The following NFATC2 variants were observed in gnomAD, a reference collection of about 807,000 sequenced individuals.
NFATC2 encodes the protein nuclear factor of activated T-cells, cytoplasmic 2.
A neutral mutation model predicts 87.3 loss-of-function variants in NFATC2; 22 were observed. The observed-to-expected ratio is 0.25, with a 90% CI of 0.18 to 0.36. The LOEUF is 0.36. NFATC2 is among the 10% of genes least tolerant of loss of function. The pLI, the probability that NFATC2 is intolerant of heterozygous loss-of-function variation, is 1.00. For synonymous variants in NFATC2, 565 were observed against 542.2 expected (o/e 1.04, Z -0.58); for missense variants, 1,149 against 1,259.1 (o/e 0.91, Z 1.32).
At chr20:51,398,755 TTTGAGAAGAAAAA>T in intron 9 of NFATC2, 25 bp from the exon 10 acceptor site, 1 of 1,528,052 alleles carries the variant, frequency 6.5e-7, no homozygotes, top group Non-Finnish European at 9.0e-7. Context: ...CAAAATCATT[TTTGAGAAGAAAAA>T]AAAAAATCAC....
At chr20:51,493,248 T>C (rs2075928504) in intron 3 of NFATC2, among the ~76,000 whole-genome samples, 1 of 152,130 alleles carries the variant, frequency 6.6e-6, no homozygotes, top group African/African-American at 2.4e-5. Flanking sequence ...ACTTGTACAT[T>C]TCATAGAGTT....
rs191247026 is a variant in NFATC2, at chr20:51,560,987, G to T, written c.70+1573C>A. ...TCTCTTTCCAAATGGAGCTAAATTTGGCATTAGGCTGACCTCCACCCCCAC... is the reference window on the plus strand; with the variant it reads ...TCTCTTTCCAAATGGAGCTAAATTTTGCATTAGGCTGACCTCCACCCCCAC... On this transcript the variant is annotated intron_variant, in intron 1 of 10. Transcript: ENST00000414705. 1.4e-3 allele frequency among the ~76,000 whole-genome samples: 215 copies of T among 152,044 alleles called. 6 individuals carry two copies. The East Asian group carries it at 0.036, about 26-fold the overall frequency.
chr20:51,500,643 C>G lies in NFATC2; in HGVS notation c.1332+16141G>C, dbSNP rs60417825. Among the ~76,000 whole-genome samples the G allele has an allele frequency of 9.4e-5, 10 of 105,970 alleles. No individual in the cohort carries two copies. The East Asian group carries it at 2.6e-3, about 27-fold the overall frequency. The allele number at this position is 105,970 out of a possible 152,430, so 69.5% of individuals were successfully genotyped here. A position where few individuals can be genotyped will look rare whatever the true frequency, so the allele number is the denominator to read the frequency against. On this transcript the variant is annotated intron_variant, in intron 3 of 10. Coordinates refer to ENST00000371564, the MANE Select transcript of NFATC2 (RefSeq NM_012340.5). ...ATGCTCCCACCCCTCCACCCTCACC[C>G]TCACCACCCCCCCCTCCACCCCCAC...
intron 3 of NFATC2, among the ~76,000 whole-genome samples, chr20:51,501,534 G>C (rs770648631): frequency 5.3e-5 from 8 of 152,146 alleles, no homozygotes; most frequent in Non-Finnish European, 1.0e-4. Flanking sequence ...TTCCTACCAC[G>C]CTGGCTCCCA....
At chr20:51,551,875 AAGTT>A (rs1365005991) in intron 1 of NFATC2, among the ~76,000 whole-genome samples, 2 of 151,456 alleles carry the variant, frequency 1.3e-5, no homozygotes, top group Non-Finnish European at 2.9e-5. Context: ...AAAATACAAA[AAGTT>A]AGCCGGGTGT....
intron 2 of NFATC2, among the ~76,000 whole-genome samples, chr20:51,518,266 G>A (rs2076386646): frequency 6.6e-6 from 1 of 152,310 alleles, no homozygotes; most frequent in South Asian, 2.1e-4. Context: ...ACATATGGCA[G>A]AAATCATTCA....
intron 7 of NFATC2, 130 bp from the exon 8 acceptor site, chr20:51,435,444 G>C: frequency 7.4e-7 from 1 of 1,349,700 alleles, no homozygotes; most frequent in Non-Finnish European, 1.0e-6. Flanking sequence ...TACAGGGGAA[G>C]TTCAATTTCA....
chr20:51,397,705 TCCTTCTGCCATA>T (rs747471917), intron 10 of NFATC2, among the ~76,000 whole-genome samples: 15 of 152,092 alleles, frequency 9.9e-5, no homozygotes, highest in Non-Finnish European at 2.1e-4. Flanking sequence ...CCCCAGGGCT[TCCTTCTGCCATA>T]GGGAAGTAGG....
intron 9 of NFATC2, among the ~76,000 whole-genome samples, chr20:51,403,789 T>C (rs868111141): frequency 6.6e-6 from 1 of 152,180 alleles, no homozygotes; most frequent in Non-Finnish European, 1.5e-5. Flanking sequence ...TTCTCCAGAA[T>C]CCTGGTCTTG....
intron 3 of NFATC2, among the ~76,000 whole-genome samples, chr20:51,511,644 A>C (rs1308238797): frequency 6.6e-6 from 1 of 152,144 alleles, no homozygotes; most frequent in Non-Finnish European, 1.5e-5. Flanking sequence ...TTTACCTCCC[A>C]TACCTAAGTC....
At chr20:51,444,558 G>A (rs577099503) in intron 6 of NFATC2, among the ~76,000 whole-genome samples, 2 of 152,194 alleles carry the variant, frequency 1.3e-5, no homozygotes, top group African/African-American at 4.8e-5. Context: ...TGGGAGAAAT[G>A]AGCAAGCTTT....
chr20:51,512,302 G>A (rs548171753), intron 3 of NFATC2, among the ~76,000 whole-genome samples: 46 of 152,282 alleles, frequency 3.0e-4, no homozygotes, highest in African/African-American at 6.5e-4. Flanking sequence ...ACGTCCCACC[G>A]TGAGTCCAGG....
intron 3 of NFATC2, among the ~76,000 whole-genome samples, chr20:51,484,007 T>A (rs1989496490): frequency 6.6e-6 from 1 of 151,600 alleles, no homozygotes; most frequent in Non-Finnish European, 1.5e-5. Flanking sequence ...ACAGCAAACA[T>A]CTTCCTTGCA....
intron 6 of NFATC2, among the ~76,000 whole-genome samples, chr20:51,444,434 A>G (rs989513272): frequency 2.0e-5 from 3 of 151,870 alleles, no homozygotes; most frequent in Admixed American, 2.0e-4. Context: ...TTTGCAGGCA[A>G]TTATTTAACC....
chr20:51,518,420 T>A (rs995489683), intron 2 of NFATC2, among the ~76,000 whole-genome samples: 3 of 152,200 alleles, frequency 2.0e-5, no homozygotes. Flanking sequence ...AGCACCTCCA[T>A]AAACTTCATC....
chr20:51,401,251 C>T, intron 9 of NFATC2, among the ~76,000 whole-genome samples: 1 of 151,908 alleles, frequency 6.6e-6, no homozygotes, highest in Non-Finnish European at 1.5e-5. Context: ...GTGCCTGTAA[C>T]CTCAGCTACC....
intron 5 of NFATC2, 118 bp downstream of exon 5, chr20:51,473,862 G>A (rs2146510426): frequency 9.8e-7 from 1 of 1,017,500 alleles, no homozygotes; most frequent in East Asian, 2.6e-5. Flanking sequence ...TAACCCTGTG[G>A]GTCCCACACA....
intron 5 of NFATC2, among the ~76,000 whole-genome samples, chr20:51,466,395 T>C (rs762448511): frequency 2.0e-5 from 3 of 152,062 alleles, no homozygotes; most frequent in Non-Finnish European, 4.4e-5. Flanking sequence ...GAAGCAATGC[T>C]GCATTAGCAC....
chr20:51,561,297 A>C (rs2077018830), intron 1 of NFATC2, among the ~76,000 whole-genome samples: 1 of 148,662 alleles, frequency 6.7e-6, no homozygotes, highest in Admixed American at 6.8e-5. Flanking sequence ...CGTTTACCTA[A>C]CCCAAGGCAT....
Sources: allele counts gnomAD v4.1 joint callset (sites outside exome capture counted in the v4.1 genomes callset), GRCh38; gene constraint gnomAD v4.1.1; transcripts MANE v1.5; gene names NCBI Gene and HGNC (gene_info 2026-07-23, HGNC 2026-07-21).